The following SLC35D4 variants were observed in gnomAD, a reference collection of about 807,000 sequenced individuals.
SLC35D4 encodes the protein solute carrier family 35 member D4, also known as UDP-N-acetylglucosamine transporter SLC35D4.
the SLC35D4 span, among the ~76,000 whole-genome samples, chr18:23,429,713 T>C: frequency 6.6e-6 from 1 of 152,328 alleles, no homozygotes; most frequent in African/African-American, 2.4e-5. Context: ...CTGACTGGTA[T>C]GAGGTGGTAT....
the SLC35D4 span, among the ~76,000 whole-genome samples, chr18:23,270,763 C>A: frequency 6.6e-6 from 1 of 152,230 alleles, no homozygotes; most frequent in South Asian, 2.1e-4. Flanking sequence ...GTGTAAATTA[C>A]TCTTTCTTTA....
the SLC35D4 span, among the ~76,000 whole-genome samples, chr18:23,245,827 A>G: frequency 2.0e-5 from 3 of 152,362 alleles, no homozygotes; most frequent in African/African-American, 7.2e-5. Flanking sequence ...CTCTCGCTCC[A>G]TGAGCGGAAT....
the SLC35D4 span, chr18:23,365,627 C>CATTT: frequency 1.2e-6 from 2 of 1,613,462 alleles, no homozygotes. Context: ...ACTCCGGGGG[C>CATTT]ATTTACCTGT....
At chr18:23,298,368 T>C in the SLC35D4 span, among the ~76,000 whole-genome samples, 1 of 152,216 alleles carries the variant, frequency 6.6e-6, no homozygotes, top group East Asian at 1.9e-4. Context: ...TAGTGCTCTC[T>C]GGCAGAAACA....
the SLC35D4 span, among the ~76,000 whole-genome samples, chr18:23,286,271 T>C: frequency 0.011 from 1,697 of 152,282 alleles, 31 homozygotes; most frequent in African/African-American, 0.039. Flanking sequence ...TAAACCGCAG[T>C]GGCCAGGCAT....
the SLC35D4 span, among the ~76,000 whole-genome samples, chr18:23,380,717 T>C: frequency 2.0e-5 from 3 of 152,142 alleles, no homozygotes; most frequent in Admixed American, 6.6e-5. Context: ...TAAACTATAA[T>C]AAATAATTCT....
chr18:23,346,382 A>C, the SLC35D4 span, among the ~76,000 whole-genome samples: 1 of 152,194 alleles, frequency 6.6e-6, no homozygotes, highest in African/African-American at 2.4e-5. Flanking sequence ...AGTCTCCGAA[A>C]GTGCGAGGAT....
chr18:23,245,613 A>T, the SLC35D4 span, among the ~76,000 whole-genome samples: 1 of 152,126 alleles, frequency 6.6e-6, no homozygotes, highest in African/African-American at 2.4e-5. Flanking sequence ...TTATCTCAGA[A>T]GGAATTTGTC....
the SLC35D4 span, among the ~76,000 whole-genome samples, chr18:23,252,080 C>T: frequency 1.9e-4 from 28 of 147,030 alleles, no homozygotes; most frequent in South Asian, 1.3e-3. Context: ...AGTGAGACTC[C>T]GTCTCAAAAA....
At chr18:23,245,829 G>A in the SLC35D4 span, among the ~76,000 whole-genome samples, 1 of 152,244 alleles carries the variant, frequency 6.6e-6, no homozygotes, top group Non-Finnish European at 1.5e-5. Flanking sequence ...CTCGCTCCAT[G>A]AGCGGAATGA....
At chr18:23,318,851 A>AT in the SLC35D4 span, among the ~76,000 whole-genome samples, 7 of 150,012 alleles carry the variant, frequency 4.7e-5, no homozygotes, top group Non-Finnish European at 8.9e-5. Flanking sequence ...CTTCATAGTA[A>AT]TTTTTTTTTT....
chr18:23,239,006 G>A, the SLC35D4 span, among the ~76,000 whole-genome samples: 2 of 152,244 alleles, frequency 1.3e-5, no homozygotes, highest in Non-Finnish European at 2.9e-5. Flanking sequence ...ACAGACACGT[G>A]CCTGGTGATA....
chr18:23,411,538 AAAGAAAGAAAGAAAG>A, the SLC35D4 span, among the ~76,000 whole-genome samples: 2 of 149,412 alleles, frequency 1.3e-5, no homozygotes, highest in Admixed American at 6.7e-5. Context: ...AGAAAGAAAG[AAAGAAAGAAAGAAAG>A]GTGTGTGCTG....
At chr18:23,409,699 C>T in the SLC35D4 span, among the ~76,000 whole-genome samples, 1 of 152,094 alleles carries the variant, frequency 6.6e-6, no homozygotes, top group Non-Finnish European at 1.5e-5. Flanking sequence ...CAAAAATTAG[C>T]TGGGCATGGT....
At chr18:23,313,156 A>AAAAAAAAAAAAAAAAGAT in the SLC35D4 span, among the ~76,000 whole-genome samples, 1 of 146,524 alleles carries the variant, frequency 6.8e-6, no homozygotes, top group Non-Finnish European at 1.5e-5. Context: ...AAAAAAAAAA[A>AAAAAAAAAAAAAAAAGAT]AGAACCTGAG....
At chr18:23,246,432 C>T in the SLC35D4 span, among the ~76,000 whole-genome samples, 122 of 152,120 alleles carry the variant, frequency 8.0e-4, no homozygotes, top group Middle Eastern at 3.4e-3. Flanking sequence ...TGCTCTGTCG[C>T]CCAGGCTGAA....
chr18:23,382,432 C>T, the SLC35D4 span, among the ~76,000 whole-genome samples: 1 of 151,824 alleles, frequency 6.6e-6, no homozygotes, highest in Non-Finnish European at 1.5e-5. Context: ...TGAGGAGAAC[C>T]ACCACGTGGT....
At chr18:23,252,962 A>G in the SLC35D4 span, 16 of 1,604,964 alleles carry the variant, frequency 1.0e-5, no homozygotes, top group African/African-American at 6.7e-5. Context: ...TGTTACAGAC[A>G]ACAGTGATTG....
At chr18:23,252,137 G>A in the SLC35D4 span, among the ~76,000 whole-genome samples, 2 of 151,826 alleles carry the variant, frequency 1.3e-5, 1 homozygote, top group South Asian at 4.1e-4. Flanking sequence ...ATGACAAAAG[G>A]ACAAATAGAC....
Sources: allele counts gnomAD v4.1 joint callset (sites outside exome capture counted in the v4.1 genomes callset), GRCh38; gene constraint gnomAD v4.1.1; transcripts MANE v1.5; gene names NCBI Gene and HGNC (gene_info 2026-07-23, HGNC 2026-07-21).